The following TAF1 variants were observed in gnomAD, a reference collection of about 807,000 sequenced individuals.
TAF1 encodes TATA-box binding protein associated factor 1.
In TAF1, 2 loss-of-function variants were observed where a neutral mutation model predicts 138.5. That is an observed-to-expected ratio of 0.01 (90% confidence interval 0.01 to 0.05). The LOEUF is 0.05. TAF1 is among the 10% of genes least tolerant of loss of function. The pLI is 1.00. For missense variants in TAF1, 709 were observed against 1,478.0 expected (o/e 0.48, Z 8.53); for synonymous variants, 437 against 503.2 (o/e 0.87, Z 1.76).
Position 71,459,713 on chromosome X carries a change from G to C in TAF1, c.5221+5G>C. 1 of 1,210,182 alleles carries C rather than the reference G, an allele frequency of 8.3e-7. No individual in the cohort carries two copies. Among genetic ancestry groups the C allele is most frequent in the Non-Finnish European group, 1.1e-6 (1 of 894,651 alleles). ...AAGGAGACAATCCTTTCTCTGGTAGGCCTCAACCATTGCTTCTATTCCTTT... is the reference window on the plus strand; with the variant it reads ...AAGGAGACAATCCTTTCTCTGGTAGCCCTCAACCATTGCTTCTATTCCTTT... On this transcript the variant is annotated splice_donor_5th_base_variant and intron_variant, in intron 36 of 37. Coordinates refer to ENST00000423759, the MANE Select transcript of TAF1 (RefSeq NM_004606.5).
intron 24 of TAF1, among the ~76,000 whole-genome samples, chrX:71,399,313 A>C (rs1189416670): frequency 3.4e-5 from 3 of 87,471 alleles, no homozygotes; most frequent in Non-Finnish European, 4.5e-5. Context: ...CTGGAGTGCA[A>C]TGGCGCGATC....
chrX:71,371,909 A>G (rs2033086374), intron 3 of TAF1, among the ~76,000 whole-genome samples: 1 of 112,016 alleles, frequency 8.9e-6, no homozygotes, highest in Admixed American at 9.5e-5. Flanking sequence ...ACATAGTATA[A>G]TATTATGGTA....
chrX:71,378,500 T>C (rs761461066), intron 7 of TAF1, 47 bp downstream of exon 7: 1 of 1,177,109 alleles, frequency 8.5e-7, no homozygotes, highest in Admixed American at 2.2e-5. Context: ...ACTCAGGTCC[T>C]ATTACTTTTA....
chrX:71,460,965 A>T (rs1251964714), intron 37 of TAF1, 162 bp downstream of exon 37: 2 of 671,688 alleles, frequency 3.0e-6, no homozygotes, highest in Admixed American at 6.5e-5. Flanking sequence ...AGCAAAACAT[A>T]TCCTGCCCTT....
At chrX:71,502,360 G>A (rs2039527532) in intron 13 of TAF1, among the ~76,000 whole-genome samples, 2 of 111,001 alleles carry the variant, frequency 1.8e-5, no homozygotes, top group African/African-American at 6.6e-5. Context: ...GACACAGAGT[G>A]CTGACTGGTG....
chrX:71,452,843 G>A (rs991721337), intron 32 of TAF1, among the ~76,000 whole-genome samples: 78 of 112,411 alleles, frequency 6.9e-4, no homozygotes, highest in Non-Finnish European at 1.2e-3. Flanking sequence ...CGGATCACTC[G>A]CGGTTAGGAG....
chrX:71,508,086 C>CTCTCTCTATATATATATA (rs4040068), intron 13 of TAF1, among the ~76,000 whole-genome samples: 15 of 92,175 alleles, frequency 1.6e-4, no homozygotes, highest in African/African-American at 6.0e-4. Context: ...CTCTCTCTCT[C>CTCTCTCTATATATATATA]TATATATATA....
rs1425087903 is a variant in TAF1 at position 71,503,324 on chromosome X, G to GTATATATATATA, written c.1367-25217_1367-25216insATATATATATAT. On this transcript the variant is annotated intron_variant and NMD_transcript_variant, in intron 13 of 14. Coordinates refer to the TAF1 transcript ENST00000373775. ...TATATATATATATATATATATATGTGTGTGTATATATATATATATGTGTAT... is the reference window on the plus strand; with the variant it reads ...TATATATATATATATATATATATGTGTATATATATATATGTGTATATATATATATATGTGTAT... Among the ~76,000 whole-genome samples the GTATATATATATA allele has an allele frequency of 7.1e-4, 66 of 92,745 alleles. 1 individual carries two copies. The highest frequency in any genetic ancestry group is 2.8e-3 in the African/African-American group (64 of 22,499). 80.5% of individuals were successfully genotyped at this position (92,745 alleles called of 115,157 possible). A position where few individuals can be genotyped will look rare whatever the true frequency, so the allele number is the denominator to read the frequency against.
chrX:71,442,481 T>G (rs2037478401), intron 32 of TAF1, among the ~76,000 whole-genome samples: 1 of 112,461 alleles, frequency 8.9e-6, no homozygotes, highest in Non-Finnish European at 1.9e-5. Context: ...AAGTGTCTGT[T>G]CATATCATTT....
intron 1 of TAF1, 96 bp downstream of exon 1, chrX:71,366,590 A>G: frequency 1.1e-6 from 1 of 897,216 alleles, no homozygotes; most frequent in Non-Finnish European, 1.5e-6. Flanking sequence ...GGCAGCGAGA[A>G]CAGGGCGCAG....
At chrX:71,529,842 C>T in exon 15 of TAF1, 1 of 300,512 alleles carries the variant, frequency 3.3e-6, no homozygotes, top group South Asian at 3.1e-5. Flanking sequence ...GAGAGGACTA[C>T]AGTGAGGATT....
intron 13 of TAF1, among the ~76,000 whole-genome samples, chrX:71,484,241 TC>T (rs2039132131): frequency 8.9e-6 from 1 of 111,895 alleles, no homozygotes; most frequent in South Asian, 3.7e-4. Context: ...TGTTTGAGTC[TC>T]CTGGACTCTA....
intron 32 of TAF1, among the ~76,000 whole-genome samples, chrX:71,443,442 T>C (rs1343716808): frequency 9.0e-6 from 1 of 111,685 alleles, no homozygotes; most frequent in Non-Finnish European, 1.9e-5. Context: ...GGGAGTTCAC[T>C]CATGATTTGG....
At chrX:71,369,433 C>T (rs1045494825) in intron 3 of TAF1, among the ~76,000 whole-genome samples, 2 of 111,398 alleles carry the variant, frequency 1.8e-5, no homozygotes, top group African/African-American at 6.5e-5. Flanking sequence ...ATTATTTATT[C>T]GTAATCTCTA....
intron 13 of TAF1, among the ~76,000 whole-genome samples, chrX:71,488,239 C>CT (rs368273639): frequency 0.032 from 2,300 of 71,116 alleles, 109 homozygotes; most frequent in African/African-American, 0.083. Flanking sequence ...TAGGTGGTTT[C>CT]TTTTTTTTTT....
chrX:71,410,087 T>G (rs745727577), intron 28 of TAF1, among the ~76,000 whole-genome samples: 27 of 109,306 alleles, frequency 2.5e-4, no homozygotes, highest in Non-Finnish European at 4.6e-4. Context: ...GAGACGGGAT[T>G]TCTCCATGTT....
At chrX:71,369,288 G>A (rs770982961) in intron 3 of TAF1, among the ~76,000 whole-genome samples, 2 of 111,448 alleles carry the variant, frequency 1.8e-5, no homozygotes, top group South Asian at 7.5e-4. Context: ...GTGAGCCACC[G>A]CACCCTGCCT....
At chrX:71,460,505 G>A (rs749576376) in intron 36 of TAF1, 121 bp from the exon 37 acceptor site, 7 of 803,982 alleles carry the variant, frequency 8.7e-6, no homozygotes, top group Middle Eastern at 2.9e-4. Context: ...GAGGAGAGGC[G>A]TATAGGCAAG....
In TAF1 at chrX:71,366,452, C is replaced by T. The variant is rs1240627134; in HGVS notation, c.78C>T (p.Ile26=). The change falls in exon 1 of 38, where the codon ATC becomes ATT. Residue 26 remains isoleucine, a synonymous_variant. Coordinates refer to ENST00000423759, the MANE Select transcript of TAF1 (RefSeq NM_004606.5). ...FSLAGFLFGN[I]NGAGQLEGES... is the part of the protein sequence containing the mutation. ...TAGCGGGTTTCCTTTTCGGCAACAT[C>T]AATGGAGCCGGGCAGCTGGAGGGGG... 3 of 1,180,223 alleles carry T rather than the reference C, an allele frequency of 2.5e-6. No individual in the cohort carries two copies. The South Asian group carries it at 5.4e-5, about 21-fold the overall frequency.
Sources: allele counts gnomAD v4.1 joint callset (sites outside exome capture counted in the v4.1 genomes callset), GRCh38; gene constraint gnomAD v4.1.1; transcripts MANE v1.5; gene names NCBI Gene and HGNC (gene_info 2026-07-23, HGNC 2026-07-21).